The following MAPK10 variants were observed in gnomAD, a reference collection of about 807,000 sequenced individuals.
The protein encoded by MAPK10 is JNK3 alpha protein kinase.
A neutral mutation model predicts 59.3 loss-of-function variants in MAPK10; 25 were observed. That is an observed-to-expected ratio of 0.42 (90% CI 0.31 to 0.59). MAPK10 has a LOEUF of 0.59. Ranked by LOEUF, MAPK10 falls within the 20% of genes least tolerant of loss-of-function variation. MAPK10 has a pLI of 0.15. For synonymous variants in MAPK10, 190 were observed against 200.5 expected (o/e 0.95, Z 0.44); for missense variants, 351 against 568.9 (o/e 0.62, Z 3.90).
chr4:86,365,602 T>C (rs986785726), intron 1 of MAPK10, among the ~76,000 whole-genome samples: 2 of 152,052 alleles, frequency 1.3e-5, no homozygotes, highest in African/African-American at 4.8e-5. Context: ...ATTATAATTA[T>C]CTGCAGTTTA....
chr4:86,029,083 G>A, intron 13 of MAPK10, 114 bp downstream of exon 13: 1 of 777,200 alleles, frequency 1.3e-6, no homozygotes. Context: ...ACAACCATGT[G>A]ATATTTGTCC....
chr4:86,215,723 G>A (rs145813207), intron 2 of MAPK10, among the ~76,000 whole-genome samples: 12,947 of 152,004 alleles, frequency 0.085, 1,220 homozygotes, highest in African/African-American at 0.23. Flanking sequence ...TTAGCCGGGC[G>A]TTGTGGTGCT....
chr4:86,221,556 A>G (rs978305962), intron 2 of MAPK10, among the ~76,000 whole-genome samples: 2 of 151,816 alleles, frequency 1.3e-5, no homozygotes, highest in African/African-American at 4.8e-5. Context: ...GGGTGATCAC[A>G]GGTCACTGCA....
At chr4:86,510,267 C>T (rs1023557195) in intron 1 of MAPK10, among the ~76,000 whole-genome samples, 1 of 151,986 alleles carries the variant, frequency 6.6e-6, no homozygotes, top group Non-Finnish European at 1.5e-5. Context: ...TATGTACCCC[C>T]ATGCCTGGCT....
chr4:86,184,295 G>A (rs1166035867), intron 3 of MAPK10, among the ~76,000 whole-genome samples: 1 of 151,980 alleles, frequency 6.6e-6, no homozygotes, highest in Non-Finnish European at 1.5e-5. Flanking sequence ...TGTTTTTTAA[G>A]TGTTAATGGC....
intron 4 of MAPK10, among the ~76,000 whole-genome samples, chr4:86,129,118 A>G (rs562999580): frequency 2.0e-5 from 3 of 152,282 alleles, no homozygotes; most frequent in Admixed American, 2.0e-4. Flanking sequence ...TAGAAGTTAG[A>G]CTTACTTTCT....
chr4:86,394,408 T>G (rs567956419), intron 1 of MAPK10, among the ~76,000 whole-genome samples: 35 of 152,350 alleles, frequency 2.3e-4, no homozygotes, highest in South Asian at 1.9e-3. Context: ...AGAGAGACTA[T>G]ATCACCAAAC....
chr4:86,190,132 T>C (rs1257022323), intron 3 of MAPK10, among the ~76,000 whole-genome samples: 1 of 152,186 alleles, frequency 6.6e-6, no homozygotes, highest in East Asian at 1.9e-4. Flanking sequence ...TTTGATGTGC[T>C]GCTGGATTTG....
chr4:86,403,313 A>C (rs970483115), intron 1 of MAPK10, among the ~76,000 whole-genome samples: 1 of 152,202 alleles, frequency 6.6e-6, no homozygotes, highest in Middle Eastern at 3.4e-3. Flanking sequence ...TCAGGAGTTC[A>C]AGATCAGTCT....
chr4:86,509,171 G>A (rs1756019656), intron 1 of MAPK10, among the ~76,000 whole-genome samples: 1 of 151,890 alleles, frequency 6.6e-6, no homozygotes, highest in Non-Finnish European at 1.5e-5. Context: ...AAATCTTAAA[G>A]GGCTTTCAAA....
At chr4:86,411,531 G>T (rs1745170611) in intron 1 of MAPK10, among the ~76,000 whole-genome samples, 1 of 152,164 alleles carries the variant, frequency 6.6e-6, no homozygotes, top group Non-Finnish European at 1.5e-5. Flanking sequence ...TATTGTGTGG[G>T]AGTCTAAGTC....
chr4:86,535,059 A>G lies in MAPK10; in HGVS notation c.-263+58851T>C, dbSNP rs560502239. Among the ~76,000 whole-genome samples, 40 of 152,308 alleles carry G rather than the reference A, an allele frequency of 2.6e-4. No individual in the cohort carries two copies. In the South Asian group the frequency reaches 8.3e-3, roughly 32 times the overall value. On this transcript the variant is annotated intron_variant, in intron 1 of 4. Coordinates refer to the MAPK10 transcript ENST00000502302. Reference sequence around the variant, plus strand: ...AGGTCACTTTTCTACCCTGGGACTTAGAAAACCAATGCCACAGATTCATGT... The same window carrying G: ...AGGTCACTTTTCTACCCTGGGACTTGGAAAACCAATGCCACAGATTCATGT...
At chr4:86,573,466 C>T (rs1578151041) in intron 1 of MAPK10, among the ~76,000 whole-genome samples, 1 of 152,170 alleles carries the variant, frequency 6.6e-6, no homozygotes, top group African/African-American at 2.4e-5. Context: ...GCTATCCTTA[C>T]TCCCAATACT....
chr4:86,205,300 G>A lies in MAPK10; in HGVS notation c.-6-10893C>T, dbSNP rs1267669457. Among the ~76,000 whole-genome samples, 6 of 152,012 alleles carry A rather than the reference G, an allele frequency of 3.9e-5. No homozygotes were observed. The East Asian group carries it at 1.2e-3, about 29-fold the overall frequency. ...TCCCCAAGAAAATATAACAGTCTTGGACTTATATGCACTTAGCATTACCTC... is the reference window on the plus strand; with the variant it reads ...TCCCCAAGAAAATATAACAGTCTTGAACTTATATGCACTTAGCATTACCTC... On this transcript the variant is annotated intron_variant, in intron 2 of 13. Transcript: ENST00000641462.
chr4:86,311,051 C>CAT (rs2095658858), intron 2 of MAPK10, among the ~76,000 whole-genome samples: 1 of 151,824 alleles, frequency 6.6e-6, no homozygotes, highest in Non-Finnish European at 1.5e-5. Context: ...CACACACACA[C>CAT]ACACACACAC....
At chr4:86,424,292 C>T (rs56943338) in intron 1 of MAPK10, among the ~76,000 whole-genome samples, 2,732 of 152,186 alleles carry the variant, frequency 0.018, 88 homozygotes, top group African/African-American at 0.063. Flanking sequence ...CAGGTTCAAG[C>T]GATTCTCCTG....
intron 1 of MAPK10, among the ~76,000 whole-genome samples, chr4:86,387,411 G>T (rs942226383): frequency 6.6e-6 from 1 of 152,138 alleles, no homozygotes; most frequent in African/African-American, 2.4e-5. Flanking sequence ...ACATTAAACA[G>T]GAAATTAGAG....
chr4:86,120,350 T>C (rs968021921), intron 4 of MAPK10: 3 of 152,144 alleles, frequency 2.0e-5, no homozygotes, highest in Admixed American at 2.0e-4. Flanking sequence ...AGCAGGAACT[T>C]CTTAAAACAC....
At chr4:86,531,560 G>C (rs982965812) in intron 1 of MAPK10, among the ~76,000 whole-genome samples, 1 of 152,222 alleles carries the variant, frequency 6.6e-6, no homozygotes, top group East Asian at 1.9e-4. Context: ...CCCTCACCAA[G>C]AGGGCAGCAA....
Sources: allele counts gnomAD v4.1 joint callset (sites outside exome capture counted in the v4.1 genomes callset), GRCh38; gene constraint gnomAD v4.1.1; transcripts MANE v1.5; gene names NCBI Gene and HGNC (gene_info 2026-07-23, HGNC 2026-07-21).